TRPM5: variants seen among roughly 807,000 people sequenced by gnomAD.
TRPM5 encodes transient receptor potential cation channel subfamily M member 5, also known as MLSN1 and TRP-related.
In TRPM5, 121 loss-of-function variants were observed where a neutral mutation model predicts 124.9. The ratio of observed to expected loss-of-function variants is 0.97; its 90% CI spans 0.84 to 1.13. The LOEUF is 1.13. Among genes scored for constraint, TRPM5 ranks in the 50% most tolerant of loss-of-function variants. The pLI, the probability that TRPM5 is intolerant of heterozygous loss-of-function variation, is 0.00. For synonymous variants in TRPM5, 781 were observed against 700.5 expected, an observed-to-expected ratio of 1.11 and a Z score of -1.81; for missense variants, 1,643 against 1,589.1, an observed-to-expected ratio of 1.03 and a Z score of -0.58.
intron 4 of TRPM5, 132 bp downstream of exon 9, chr11:2,420,090 G>T (rs1009372854): frequency 6.0e-5 from 62 of 1,030,658 alleles, no homozygotes; most frequent in Non-Finnish European, 8.3e-5. Flanking sequence ...TCGGTGCTCA[G>T]GCATGCGGGG....
At chr11:2,411,734 T>C (rs2074234) in exon 17 of TRPM5, 562,736 of 1,612,378 alleles carry the variant, frequency 0.35, 100,061 homozygotes, top group Admixed American at 0.45. Flanking sequence ...TGGCGAGGAC[T>C]GTGCGGCCAG....
At chr11:2,415,419 T>G in exon 9 of TRPM5, 1 of 1,593,272 alleles carries the variant, frequency 6.3e-7, no homozygotes, top group Non-Finnish European at 8.5e-7. Context: ...GCGCACAAAC[T>G]CGGGCTTGTT....
chr11:2,428,227 C>T, the TRPM5 span, among the ~76,000 whole-genome samples: 1 of 152,128 alleles, frequency 6.6e-6, no homozygotes, highest in Non-Finnish European at 1.5e-5. The surrounding 1 kb of genome is among the most constrained non-coding windows in gnomAD (Gnocchi z 4.0). Flanking sequence ...GAGAACAGAG[C>T]CTGGGGGATA....
exon 1 of TRPM5, chr11:2,422,925 C>T (rs1845792175): frequency 3.1e-6 from 5 of 1,613,222 alleles, no homozygotes; most frequent in Non-Finnish European, 4.2e-6. Flanking sequence ...CTTACCTTGC[C>T]TCGCTTCTTC....
At chr11:2,423,538 C>T (rs1845800955), upstream of TRPM5, among the ~76,000 whole-genome samples, 1 of 152,172 alleles carries the variant, frequency 6.6e-6, no homozygotes, top group Admixed American at 6.5e-5. Context: ...GACAGGTGCC[C>T]TCAGCTCAAG....
chr11:2,411,528 T>C lies in TRPM5; in HGVS notation c.2608-2A>G, dbSNP rs1488895720. 6.2e-7 allele frequency: 1 copy of C among 1,607,542 alleles called. No individual in the cohort carries two copies. On this transcript the variant is annotated splice_acceptor_variant, in intron 17 of 23. Coordinates refer to ENST00000155858, the Ensembl canonical transcript of TRPM5. LOFTEE classifies it high-confidence loss of function. The stretch of plus-strand genomic sequence containing the variant: ...GAGGAAGAAGAAGACGTCCTTCATC[T>C]CCACGGGGCAGGGGCAGAGAGAGGG...
At position 2,421,561 on chromosome 11, in the gene TRPM5, AGCCCTCG is replaced by A. The variant is rs1430667706; in HGVS notation, c.299-370_299-364del. On this transcript the variant is annotated intron_variant, in intron 2 of 23. Transcript: ENST00000155858. ...CCCAGGATGTTTTCCCAAATGACAA[AGCCCTCG>A]GCCCTTGTCTGGCTGGAAGATCTCT... Among the ~76,000 whole-genome samples, 12 of 152,300 alleles carry A rather than the reference AGCCCTCG, an allele frequency of 7.9e-5. No individual in the cohort carries two copies. In the East Asian group the frequency reaches 9.7e-4, roughly 12 times the overall value.
chr11:2,420,856 G>A (rs535741192), intron 3 of TRPM5, among the ~76,000 whole-genome samples, 176 bp downstream of exon 8: 5 of 152,304 alleles, frequency 3.3e-5, no homozygotes, highest in Non-Finnish European at 5.9e-5. Context: ...CACAGTCTAC[G>A]CTGGCCGTTC....
the TRPM5 span, among the ~76,000 whole-genome samples, chr11:2,435,334 C>T: frequency 1.3e-5 from 2 of 152,204 alleles, no homozygotes; most frequent in South Asian, 2.1e-4. The surrounding 1 kb of genome is among the most constrained non-coding windows in gnomAD (Gnocchi z 4.1). Flanking sequence ...GGACGAAGGG[C>T]GGCCCATCTG....
intron 23 of TRPM5, 113 bp downstream of exon 28, chr11:2,405,414 A>T: frequency 2.6e-6 from 3 of 1,142,888 alleles, no homozygotes; most frequent in Non-Finnish European, 3.7e-6. Context: ...GCCTCCTGAG[A>T]CTCCCGGGCC....
At chr11:2,423,069 C>G, upstream of TRPM5, 1 of 1,570,814 alleles carries the variant, frequency 6.4e-7, no homozygotes, top group Non-Finnish European at 8.7e-7. Flanking sequence ...ATACCCTGGC[C>G]CTTGAGGGCT....
At chr11:2,418,022 T>G in intron 6 of TRPM5, 145 bp downstream of exon 11, 1 of 961,512 alleles carries the variant, frequency 1.0e-6, no homozygotes, top group East Asian at 2.7e-5. Context: ...CTGCTCCCTG[T>G]GGGCCTGAAG....
chr11:2,444,372 A>T, the TRPM5 span, among the ~76,000 whole-genome samples: 588 of 141,458 alleles, frequency 4.2e-3, 2 homozygotes, highest in African/African-American at 0.015. Flanking sequence ...CCGGCACCCT[A>T]CCCCGCCCCT....
intron 7 of TRPM5, among the ~76,000 whole-genome samples, chr11:2,416,448 G>A (rs1845682284): frequency 6.6e-6 from 1 of 152,152 alleles, no homozygotes; most frequent in South Asian, 2.1e-4. Flanking sequence ...CACTCAAGGG[G>A]GGCCTGCAGC....
intron 7 of TRPM5, among the ~76,000 whole-genome samples, chr11:2,417,450 G>A (rs747296876): frequency 9.9e-5 from 15 of 152,150 alleles, no homozygotes; most frequent in Non-Finnish European, 1.0e-4. Context: ...GCGAGACTCC[G>A]TCTCAAAAAA....
intron 7 of TRPM5, 133 bp downstream of exon 12, chr11:2,417,594 C>T: frequency 1.6e-6 from 1 of 644,658 alleles, no homozygotes; most frequent in Admixed American, 2.7e-5. Flanking sequence ...CTTCATGAAT[C>T]ATGTGTCATC....
the TRPM5 span, among the ~76,000 whole-genome samples, chr11:2,443,725 G>A: frequency 2.0e-5 from 3 of 152,130 alleles, no homozygotes; most frequent in Admixed American, 1.3e-4. The surrounding 1 kb of genome is among the most constrained non-coding windows in gnomAD (Gnocchi z 5.0). Flanking sequence ...GTCTCCTGGC[G>A]GGGCGGAGAG....
downstream of TRPM5, among the ~76,000 whole-genome samples, chr11:2,404,051 G>A (rs1376443413): frequency 6.6e-6 from 1 of 152,206 alleles, no homozygotes; most frequent in Non-Finnish European, 1.5e-5. Flanking sequence ...TCTAGGGCTT[G>A]TGGCTCAGTG....
chr11:2,414,009 G>GGCGGCC, intron 12 of TRPM5, 52 bp downstream of exon 17: 1 of 1,023,734 alleles, frequency 9.8e-7, no homozygotes, highest in Non-Finnish European at 1.4e-6. Context: ...GGCCCAGCTC[G>GGCGGCC]CCCGCCCACC....
Sources: gnomAD v4.1 joint callset for allele counts (sites outside exome capture counted in the v4.1 genomes callset) on GRCh38, gnomAD v4.1.1 for gene constraint, Gnocchi (gnomAD v3.1) non-coding constraint, MANE v1.5 for transcripts, NCBI Gene and HGNC (gene_info 2026-07-23, HGNC 2026-07-21) for gene names.